VPS54: variants seen among roughly 807,000 people sequenced by gnomAD.
VPS54 encodes vacuolar protein sorting-associated protein 54.
Under a neutral mutation model 121.5 loss-of-function variants are expected in VPS54, and 45 were observed. The ratio of observed to expected loss-of-function variants is 0.37; its 90% CI spans 0.29 to 0.47. VPS54 has a LOEUF of 0.47. VPS54 is among the 20% of genes least tolerant of loss of function. The pLI, the probability that VPS54 is intolerant of heterozygous loss-of-function variation, is 0.99. For missense variants in VPS54, 1,090 were observed against 1,131.4 expected, an observed-to-expected ratio of 0.96 and a Z score of 0.52; for synonymous variants, 371 against 385.8, an observed-to-expected ratio of 0.96 and a Z score of 0.45.
At chr2:63,918,163 G>A (rs2104445910) in intron 15 of VPS54, among the ~76,000 whole-genome samples, 1 of 152,034 alleles carries the variant, frequency 6.6e-6, no homozygotes, top group Admixed American at 6.5e-5. Flanking sequence ...ATTCAGAGAG[G>A]AAAACAAAGA....
At chr2:63,983,744 C>T (rs575342024) in intron 2 of VPS54, 120 bp downstream of exon 2, 16 of 1,338,900 alleles carry the variant, frequency 1.2e-5, no homozygotes, top group Non-Finnish European at 1.5e-5. Context: ...GCCCGGCCCC[C>T]CCAAATGATT....
At chr2:63,987,359 T>C (rs900914738) in intron 1 of VPS54, among the ~76,000 whole-genome samples, 1 of 152,224 alleles carries the variant, frequency 6.6e-6, no homozygotes, top group Non-Finnish European at 1.5e-5. Flanking sequence ...ATGAGATCAC[T>C]GTAGATGAAT....
chr2:63,981,242 G>C (rs761747886), intron 3 of VPS54, among the ~76,000 whole-genome samples: 21 of 152,026 alleles, frequency 1.4e-4, no homozygotes, highest in Admixed American at 3.9e-4. Context: ...ATTATGTCTG[G>C]AGATATTATA....
chr2:64,006,626 A>C (rs1678168877), intron 1 of VPS54, among the ~76,000 whole-genome samples: 1 of 144,012 alleles, frequency 6.9e-6, no homozygotes, highest in African/African-American at 2.6e-5. Context: ...CTATTATTAT[A>C]AACTTTTTTT....
chr2:63,967,718 CA>C lies in VPS54; in HGVS notation c.492+1238del, dbSNP rs56820620. ...TGGGCGACAGAGAGAGACTCTGCCT[CA>C]AAAAAAAAAAAAAAAATCTTATAAG... On this transcript the variant is annotated intron_variant, in intron 5 of 22. Transcript: ENST00000272322. 4.3e-3 allele frequency among the ~76,000 whole-genome samples: 229 copies of C among 52,968 alleles called. 12 individuals are homozygous for C. Among genetic ancestry groups the C allele is most frequent in the Middle Eastern group, 0.02 (2 of 98 alleles). The allele number at this position is 52,968 out of a possible 152,430, so 34.7% of individuals were successfully genotyped here. A position where few individuals can be genotyped will look rare whatever the true frequency, so the allele number is the denominator to read the frequency against.
At chr2:63,973,914 C>G (rs1326874925) in intron 3 of VPS54, among the ~76,000 whole-genome samples, 1 of 152,158 alleles carries the variant, frequency 6.6e-6, no homozygotes, top group East Asian at 1.9e-4. Context: ...TTTTCATTCT[C>G]TTAAAGGTGT....
chr2:63,897,549 C>T lies in VPS54; in HGVS notation c.2775G>A (p.Leu925=). 1 of 1,597,570 alleles carries T rather than the reference C, an allele frequency of 6.3e-7. No homozygotes were observed. The highest frequency in any genetic ancestry group is 8.5e-7 in the Non-Finnish European group (1 of 1,172,766). Residue 925 remains leucine, a synonymous_variant, in exon 22 of 23, where the codon TTG becomes TTA. Transcript: ENST00000272322. ...CATTTAAGTGAGATAACTGCTTTTTCAAGTGGAGTTTATAACTTGCATTAA... is the reference window on the plus strand; with the variant it reads ...CATTTAAGTGAGATAACTGCTTTTTTAAGTGGAGTTTATAACTTGCATTAA... ...LRINASYKLH[L]KKQLSHLNVI... is the part of the protein sequence containing the mutation.
intron 1 of VPS54, 115 bp from the exon 2 acceptor site, chr2:63,984,134 G>T: frequency 1.1e-6 from 1 of 886,822 alleles, no homozygotes; most frequent in Non-Finnish European, 1.6e-6. Flanking sequence ...CTCAAAGTAG[G>T]CAATTTGAAT....
rs139595748 is a variant in VPS54, at chr2:63,955,507, G to A, written c.1011-6344C>T. On this transcript the variant is annotated intron_variant, in intron 7 of 22. Coordinates refer to ENST00000272322, the MANE Select transcript of VPS54 (RefSeq NM_016516.3). ...AAATAATAAAACTTTCCCTCATTTC[G>A]GCACAACTTAAATGCAATGTTCTAT... is the stretch of plus-strand genomic sequence containing the variant. 2.6e-5 allele frequency among the ~76,000 whole-genome samples: 4 copies of A among 151,750 alleles called. No homozygotes were observed. The South Asian group carries it at 8.3e-4, about 32-fold the overall frequency.
chr2:63,983,672 G>A (rs1676904069), intron 2 of VPS54, among the ~76,000 whole-genome samples, 192 bp downstream of exon 2: 1 of 145,576 alleles, frequency 6.9e-6, no homozygotes. Flanking sequence ...TCGATCTCCT[G>A]ACCTCGTGAA....
At chr2:63,925,561 T>C (rs1188818185) in intron 12 of VPS54, among the ~76,000 whole-genome samples, 1 of 152,224 alleles carries the variant, frequency 6.6e-6, no homozygotes, top group Non-Finnish European at 1.5e-5. Context: ...TCTAGAAGAA[T>C]GTTCGTGACA....
At chr2:63,991,100 C>T (rs1227246886) in intron 1 of VPS54, among the ~76,000 whole-genome samples, 3 of 152,166 alleles carry the variant, frequency 2.0e-5, no homozygotes, top group Non-Finnish European at 4.4e-5. Context: ...TTCTCTGATA[C>T]TTATGCCCAA....
At position 63,994,928 on chromosome 2, in the gene VPS54, T is replaced by C. The variant is rs534894397; in HGVS notation, c.-20-10909A>G. Among the ~76,000 whole-genome samples, 7 of 152,282 alleles carry C rather than the reference T, an allele frequency of 4.6e-5. No individual in the cohort carries two copies. The South Asian group carries it at 1.5e-3, about 32-fold the overall frequency. On this transcript the variant is annotated intron_variant, in intron 1 of 22. Transcript: ENST00000272322. Reference sequence around the variant, plus strand: ...GAAGGGAATGCCTGGAGGCTACTTATTTTATTTCTTATTGGGAGAACGAGA... The same window carrying C: ...GAAGGGAATGCCTGGAGGCTACTTACTTTATTTCTTATTGGGAGAACGAGA...
At chr2:63,906,381 T>G (rs1558981731) in intron 20 of VPS54, among the ~76,000 whole-genome samples, 1 of 152,134 alleles carries the variant, frequency 6.6e-6, no homozygotes, top group Non-Finnish European at 1.5e-5. Flanking sequence ...ATATTAGCAT[T>G]GAATAATTGG....
intron 1 of VPS54, among the ~76,000 whole-genome samples, chr2:63,996,032 T>G (rs990472466): frequency 2.0e-5 from 3 of 152,204 alleles, no homozygotes; most frequent in Non-Finnish European, 2.9e-5. Flanking sequence ...TTTAATCGGC[T>G]TGTCTTTAGT....
At chr2:63,950,762 C>G (rs1435740536) in intron 7 of VPS54, among the ~76,000 whole-genome samples, 1 of 152,252 alleles carries the variant, frequency 6.6e-6, no homozygotes, top group Middle Eastern at 3.4e-3. Flanking sequence ...CTCTTCCTTG[C>G]TAATAAATGT....
chr2:63,955,260 A>G (rs751981316), intron 7 of VPS54, among the ~76,000 whole-genome samples: 1 of 152,068 alleles, frequency 6.6e-6, no homozygotes, highest in South Asian at 2.1e-4. Flanking sequence ...ATGTTTGAGT[A>G]TAAGTTTAAA....
chr2:64,000,072 G>C (rs1259679905), intron 1 of VPS54, among the ~76,000 whole-genome samples: 1 of 151,852 alleles, frequency 6.6e-6, no homozygotes, highest in African/African-American at 2.4e-5. Flanking sequence ...ATGTTGGCCG[G>C]GCTGGTCTCG....
At chr2:64,003,392 C>T (rs969680908) in intron 1 of VPS54, among the ~76,000 whole-genome samples, 2 of 152,220 alleles carry the variant, frequency 1.3e-5, no homozygotes, top group Non-Finnish European at 2.9e-5. Context: ...ATATTATTCT[C>T]TCTTGAAGCT....
Sources: gnomAD v4.1 joint callset for allele counts (sites outside exome capture counted in the v4.1 genomes callset) on GRCh38, gnomAD v4.1.1 for gene constraint, MANE v1.5 for transcripts, NCBI Gene and HGNC (gene_info 2026-07-23, HGNC 2026-07-21) for gene names.